PCDH7: variants seen among roughly 807,000 people sequenced by gnomAD.
PCDH7 encodes the protein protocadherin 7, also known as protocadherin-7.
Under a neutral mutation model 58.9 loss-of-function variants are expected in PCDH7, and 17 were observed. That is an observed-to-expected ratio of 0.29 (90% CI 0.20 to 0.43). The LOEUF (loss-of-function observed/expected upper bound fraction) is 0.43. PCDH7 is among the 20% of genes least tolerant of loss of function. The pLI, the probability that PCDH7 is intolerant of heterozygous loss-of-function variation, is 1.00. For synonymous variants in PCDH7, 664 were observed against 616.4 expected, an observed-to-expected ratio of 1.08 and a Z score of -1.14; for missense variants, 1,274 against 1,441.0, an observed-to-expected ratio of 0.88 and a Z score of 1.88.
intron 3 of PCDH7, among the ~76,000 whole-genome samples, chr4:30,974,530 C>A (rs917909203): frequency 6.6e-6 from 1 of 152,154 alleles, no homozygotes; most frequent in Non-Finnish European, 1.5e-5. Context: ...ATAGTGGAAG[C>A]TGTCATGGGA....
intron 3 of PCDH7, among the ~76,000 whole-genome samples, chr4:31,133,289 T>C (rs1560255484): frequency 6.6e-6 from 1 of 152,218 alleles, no homozygotes; most frequent in African/African-American, 2.4e-5. Flanking sequence ...TGTGGGTACA[T>C]ATTTGCATTT....
intron 3 of PCDH7, among the ~76,000 whole-genome samples, chr4:30,985,172 G>A (rs1386502766): frequency 1.3e-5 from 2 of 152,136 alleles, no homozygotes; most frequent in African/African-American, 4.8e-5. Context: ...GGCCAGGCTG[G>A]TCTCGAACTT....
chr4:31,030,926 T>C (rs1209011875), intron 3 of PCDH7, among the ~76,000 whole-genome samples: 2 of 152,118 alleles, frequency 1.3e-5, no homozygotes, highest in Non-Finnish European at 2.9e-5. Flanking sequence ...AAATAAGAGG[T>C]GTAGGGCATT....
At chr4:31,037,734 T>A (rs2109198344) in intron 3 of PCDH7, among the ~76,000 whole-genome samples, 1 of 152,356 alleles carries the variant, frequency 6.6e-6, no homozygotes, top group South Asian at 2.1e-4. Flanking sequence ...GAGTGTACTC[T>A]AGAGACATTT....
rs557700239 is a variant in PCDH7, at chr4:31,047,060, T to A, written c.*8-95413T>A. The stretch of plus-strand genomic sequence containing the variant: ...GATTTGAGTAGTTAAGTTTTAATAT[T>A]CTCAAGTTCACTAAAACACAAATTT... On this transcript the variant is annotated intron_variant, in intron 3 of 3. Coordinates refer to the PCDH7 transcript ENST00000509759. Among the ~76,000 whole-genome samples the A allele has an allele frequency of 5.9e-5, 9 of 152,192 alleles. No individual in the cohort carries two copies. In the South Asian group the frequency reaches 1.9e-3, roughly 32 times the overall value.
At chr4:31,110,559 A>G (rs1442458632) in intron 3 of PCDH7, among the ~76,000 whole-genome samples, 1 of 152,188 alleles carries the variant, frequency 6.6e-6, no homozygotes, top group Admixed American at 6.5e-5. Flanking sequence ...ATTTTGTTTA[A>G]GGAAACTCAT....
chr4:30,855,700 A>G lies in PCDH7; in HGVS notation c.71-64453A>G, dbSNP rs746242219. On this transcript the variant is annotated intron_variant, in intron 1 of 3. Transcript: ENST00000509759. ...TATGTTGGTAAACTTAGTAATACAT[A>G]GTAATACATTGGAGTTAGCACAGGA... Among the ~76,000 whole-genome samples the G allele has an allele frequency of 2.4e-4, 37 of 152,290 alleles. 1 individual carries two copies. Among genetic ancestry groups the G allele is most frequent in the Middle Eastern group, 3.4e-3 (1 of 294 alleles).
chr4:31,128,101 A>ATG (rs142112056), intron 3 of PCDH7, among the ~76,000 whole-genome samples: 19,084 of 150,928 alleles, frequency 0.13, 2,409 homozygotes, highest in East Asian at 0.48. Context: ...ATATGTATAT[A>ATG]TGTGTATATA....
At chr4:30,928,461 T>A (rs998032291) in intron 2 of PCDH7, among the ~76,000 whole-genome samples, 3 of 152,154 alleles carry the variant, frequency 2.0e-5, no homozygotes, top group Non-Finnish European at 4.4e-5. Flanking sequence ...AACAAACCAA[T>A]ACTGAAAATA....
intron 3 of PCDH7, among the ~76,000 whole-genome samples, chr4:31,004,495 A>C (rs931754596): frequency 2.0e-5 from 3 of 152,102 alleles, no homozygotes; most frequent in Non-Finnish European, 4.4e-5. Flanking sequence ...AGATCACTTA[A>C]GGTCAGGAGT....
chr4:30,723,911 C>A lies in PCDH7; in HGVS notation c.2489C>A (p.Ser830Tyr). The change falls in exon 1 of 2, where the codon TCC becomes TAC. Residue 830 changes from serine to tyrosine, a missense_variant. By Grantham distance (144) the Ser-to-Tyr change is moderately radical. This residue lies in a region of PCDH7 where 731 missense variants were observed against 881.9 expected (regional missense o/e 0.83). Coordinates refer to ENST00000361762, the Ensembl canonical transcript of PCDH7. This position sits in a 1 kb window ranked among gnomAD's most constrained non-coding sequence, Gnocchi z 4.6. ...AATGACAGTGGGCAGCCTTCCCAGT[C>A]CACCACGACTCTGGTGCACGTGTTT... is the stretch of plus-strand genomic sequence containing the variant. 2 of 1,613,930 alleles carry A rather than the reference C, an allele frequency of 1.2e-6. No individual in the cohort carries two copies. The highest frequency in any genetic ancestry group is 1.7e-6 in the Non-Finnish European group (2 of 1,179,994).
intron 3 of PCDH7, among the ~76,000 whole-genome samples, chr4:31,060,889 A>AT (rs779885677): frequency 1.7e-4 from 26 of 151,658 alleles, no homozygotes; most frequent in Non-Finnish European, 3.2e-4. Flanking sequence ...ACATGCATCT[A>AT]TTTTTGCATT....
intron 3 of PCDH7, among the ~76,000 whole-genome samples, chr4:31,038,938 T>A (rs897306651): frequency 6.6e-6 from 1 of 152,188 alleles, no homozygotes. Flanking sequence ...CTTGTGTGTA[T>A]CATAGGAATG....
At chr4:30,813,513 T>C (rs967841008) in intron 1 of PCDH7, among the ~76,000 whole-genome samples, 11 of 152,004 alleles carry the variant, frequency 7.2e-5, no homozygotes, top group Admixed American at 6.6e-4. Context: ...GGTAGAAAAA[T>C]GGAAATACAG....
intron 3 of PCDH7, among the ~76,000 whole-genome samples, chr4:30,984,399 CTAT>C (rs1210958641): frequency 6.6e-6 from 1 of 152,162 alleles, no homozygotes; most frequent in African/African-American, 2.4e-5. Flanking sequence ...ATTAGGAAAC[CTAT>C]ATTTGGTCTT....
intron 1 of PCDH7, among the ~76,000 whole-genome samples, chr4:30,773,738 G>A (rs1721714731): frequency 6.6e-6 from 1 of 152,142 alleles, no homozygotes; most frequent in South Asian, 2.1e-4. Flanking sequence ...TTTCAGGTGG[G>A]GAGAAAGTTG....
At chr4:30,737,098 C>A (rs1479478651), downstream of PCDH7, among the ~76,000 whole-genome samples, 1 of 152,124 alleles carries the variant, frequency 6.6e-6, no homozygotes, top group Non-Finnish European at 1.5e-5. Context: ...TGCCTTCTAG[C>A]CCCAGCTCTG....
intron 1 of PCDH7, among the ~76,000 whole-genome samples, chr4:30,896,542 C>A (rs1054167564): frequency 6.6e-6 from 1 of 151,850 alleles, no homozygotes; most frequent in East Asian, 1.9e-4. Flanking sequence ...GATTTATAAC[C>A]TTTTTTCTTT....
chr4:30,920,167 G>A, exon 2 of PCDH7: 1 of 1,367,602 alleles, frequency 7.3e-7, no homozygotes, highest in Non-Finnish European at 9.8e-7. Context: ...TTCGTAGAGT[G>A]ACGTTTTCTG....
Sources: gnomAD v4.1 joint callset for allele counts (sites outside exome capture counted in the v4.1 genomes callset) on GRCh38, gnomAD v4.1.1 for gene constraint, gnomAD v4.1.1 regional missense constraint, Gnocchi (gnomAD v3.1) non-coding constraint, MANE v1.5 for transcripts, NCBI Gene and HGNC (gene_info 2026-07-23, HGNC 2026-07-21) for gene names.